Variants in SUFU observed in about 807,000 individuals in gnomAD.
SUFU encodes the protein suppressor of fused homolog.
In SUFU, 7 loss-of-function variants were observed where a neutral mutation model predicts 58.9. The ratio of observed to expected loss-of-function variants is 0.12; its 90% CI spans 0.07 to 0.22. SUFU has a LOEUF of 0.22. Among genes scored for constraint, SUFU ranks in the 10% least tolerant of loss-of-function variants. SUFU has a pLI of 1.00. For missense variants in SUFU, 451 were observed against 641.3 expected (o/e 0.70, Z 3.20); for synonymous variants, 232 against 254.8 (o/e 0.91, Z 0.85).
intron 3 of SUFU, among the ~76,000 whole-genome samples, chr10:102,569,377 G>A (rs2063138505): frequency 6.6e-6 from 1 of 152,118 alleles, no homozygotes; most frequent in Non-Finnish European, 1.5e-5. Context: ...TCCCACTCTT[G>A]ATAGCTTTAA....
chr10:102,552,737 G>A (rs2062932257), intron 3 of SUFU, among the ~76,000 whole-genome samples: 1 of 152,142 alleles, frequency 6.6e-6, no homozygotes, highest in Admixed American at 6.6e-5. Context: ...ACGGATAAAA[G>A]GACCTGATGT....
At chr10:102,508,597 A>T (rs1364405977) in intron 1 of SUFU, among the ~76,000 whole-genome samples, 3 of 152,220 alleles carry the variant, frequency 2.0e-5, no homozygotes, top group Non-Finnish European at 4.4e-5. Flanking sequence ...GCTTTGGTCT[A>T]TGGGGTGCAG....
rs75222396 is a variant in SUFU at position 102,514,194 on chromosome 10, T to G, written c.317+4891T>G. 5.4e-3 allele frequency among the ~76,000 whole-genome samples: 816 copies of G among 152,250 alleles called. 5 individuals are homozygous for G. The highest frequency in any genetic ancestry group is 0.019 in the African/African-American group (779 of 41,554). ...GAGCCAGTGCTCCTGGCAACGGCAT[T>G]TATTAAATGCCTGCTGTGTACCTCC... On this transcript the variant is annotated intron_variant, in intron 2 of 11. Transcript: ENST00000369902.
rs1393750028 is a variant in SUFU, at chr10:102,504,060, A to G, written c.-93A>G. On this transcript the variant is annotated 5_prime_UTR_variant, in exon 1 of 12. Coordinates refer to ENST00000369902, the MANE Select transcript of SUFU (RefSeq NM_016169.4). Reference sequence around the variant, plus strand: ...CGCTGCAGCCCCCATCGCCTCGGGGAGTCTCACCCACCGAGTCCGCCCGCT... The same window carrying G: ...CGCTGCAGCCCCCATCGCCTCGGGGGGTCTCACCCACCGAGTCCGCCCGCT... The G allele has an allele frequency of 2.8e-6, 4 of 1,438,512 alleles. No individual in the cohort carries two copies. The highest frequency in any genetic ancestry group is 2.8e-5 in the South Asian group (2 of 71,040). The allele number at this position is 1,438,512 out of a possible 1,614,324, so 89.1% of individuals were successfully genotyped here.
intron 3 of SUFU, among the ~76,000 whole-genome samples, chr10:102,567,976 C>T (rs375779718): frequency 1.3e-5 from 2 of 152,084 alleles, no homozygotes; most frequent in South Asian, 2.1e-4. Flanking sequence ...TATTGAGTAC[C>T]GTGGTGATCT....
intron 8 of SUFU, among the ~76,000 whole-genome samples, chr10:102,605,751 G>A (rs534600648): frequency 5.3e-5 from 8 of 152,196 alleles, no homozygotes; most frequent in South Asian, 2.1e-4. Flanking sequence ...CAGAGCTTTC[G>A]TCAGCAATCA....
intron 3 of SUFU, among the ~76,000 whole-genome samples, chr10:102,553,943 A>G (rs1251545627): frequency 6.6e-6 from 1 of 152,174 alleles, no homozygotes; most frequent in Non-Finnish European, 1.5e-5. Flanking sequence ...AAATTTTAAA[A>G]ATTAGCCATT....
At chr10:102,595,393 T>G (rs2063450534) in intron 6 of SUFU, among the ~76,000 whole-genome samples, 1 of 152,226 alleles carries the variant, frequency 6.6e-6, no homozygotes, top group Non-Finnish European at 1.5e-5. Flanking sequence ...TTAAACTTGG[T>G]TTCCTTGTAT....
intron 3 of SUFU, among the ~76,000 whole-genome samples, chr10:102,563,256 A>G (rs968630311): frequency 1.5e-4 from 23 of 152,348 alleles, no homozygotes; most frequent in African/African-American, 5.3e-4. Flanking sequence ...TGTGTGGAAC[A>G]AACTTTCCAC....
intron 2 of SUFU, among the ~76,000 whole-genome samples, chr10:102,513,596 G>A (rs562061342): frequency 2.0e-4 from 31 of 152,350 alleles, no homozygotes; most frequent in African/African-American, 7.5e-4. Flanking sequence ...TGTAAAACAC[G>A]GTCTGGGAGC....
rs60442672 is a variant in SUFU, at chr10:102,622,991, CAAA to C, written c.1297-4161_1297-4159del. Among the ~76,000 whole-genome samples the C allele has an allele frequency of 5.6e-3, 324 of 58,356 alleles. 3 individuals are homozygous for C. Among genetic ancestry groups the C allele is most frequent in the African/African-American group, 0.02 (298 of 15,264 alleles). The allele number at this position is 58,356 out of a possible 152,430, so 38.3% of individuals were successfully genotyped here. A position where few individuals can be genotyped will look rare whatever the true frequency, so the allele number is the denominator to read the frequency against. On this transcript the variant is annotated intron_variant, in intron 10 of 11. Transcript: ENST00000369902. ...GGAAAACAAGAGCAAAACTCCGTCT[CAAA>C]AAAAAAAAAAAAAAAAAAAAAAGCA...
intron 2 of SUFU, among the ~76,000 whole-genome samples, chr10:102,524,052 C>A (rs1426482084): frequency 6.6e-6 from 1 of 152,162 alleles, no homozygotes. Context: ...TTCCTTAGAC[C>A]CTTTCGCAAA....
At chr10:102,527,193 A>G (rs563210951) in intron 2 of SUFU, among the ~76,000 whole-genome samples, 38 of 151,852 alleles carry the variant, frequency 2.5e-4, no homozygotes, top group East Asian at 1.2e-3. Flanking sequence ...TAGTAGAGAC[A>G]GGGTTTCACC....
chr10:102,518,721 A>G (rs2062506708), intron 2 of SUFU, among the ~76,000 whole-genome samples: 1 of 151,654 alleles, frequency 6.6e-6, no homozygotes, highest in Admixed American at 6.6e-5. Flanking sequence ...TAATTTTTAT[A>G]CTTTTTGTAG....
intron 1 of SUFU, among the ~76,000 whole-genome samples, chr10:102,505,812 G>C (rs891382359): frequency 6.6e-6 from 1 of 152,192 alleles, no homozygotes; most frequent in Non-Finnish European, 1.5e-5. Flanking sequence ...GCGCTTCTGA[G>C]TGGAAAGCAG....
intron 2 of SUFU, among the ~76,000 whole-genome samples, chr10:102,523,558 AAAACCT>A (rs2062574713): frequency 6.6e-6 from 1 of 152,306 alleles, no homozygotes; most frequent in East Asian, 1.9e-4. Context: ...AAATGTAGTG[AAAACCT>A]ACAGGCAACA....
At chr10:102,545,599 C>G (rs2062847344) in intron 2 of SUFU, among the ~76,000 whole-genome samples, 1 of 152,298 alleles carries the variant, frequency 6.6e-6, no homozygotes, top group East Asian at 1.9e-4. Context: ...CACGTCCTCT[C>G]TAACACTTAC....
intron 4 of SUFU, among the ~76,000 whole-genome samples, chr10:102,593,015 A>G (rs2063420101): frequency 6.6e-6 from 1 of 152,156 alleles, no homozygotes; most frequent in African/African-American, 2.4e-5. Context: ...AGTCTCAGGA[A>G]CAGGACTTTC....
At chr10:102,565,661 T>C (rs530622149) in intron 3 of SUFU, among the ~76,000 whole-genome samples, 1 of 152,252 alleles carries the variant, frequency 6.6e-6, no homozygotes, top group Non-Finnish European at 1.5e-5. Context: ...TCTCCTGCCT[T>C]AGCCTCCCGA....
Sources: allele counts gnomAD v4.1 joint callset (sites outside exome capture counted in the v4.1 genomes callset), GRCh38; gene constraint gnomAD v4.1.1; transcripts MANE v1.5; gene names NCBI Gene and HGNC (gene_info 2026-07-23, HGNC 2026-07-21).